Variants in TRERF1 observed in about 807,000 individuals in gnomAD.
The protein encoded by TRERF1 is transcriptional regulating factor 1.
Under a neutral mutation model 122.9 loss-of-function variants are expected in TRERF1, and 27 were observed. The observed-to-expected ratio is 0.22, with a 90% CI of 0.16 to 0.30. The LOEUF (loss-of-function observed/expected upper bound fraction) is 0.30, where lower values mean the gene tolerates loss of function less well. TRERF1 is among the 10% of genes least tolerant of loss of function. TRERF1 has a pLI of 1.00. For missense variants in TRERF1, 1,248 were observed against 1,560.3 expected (o/e 0.80, Z 3.37); for synonymous variants, 636 against 641.7 (o/e 0.99, Z 0.13).
chr6:42,301,859 G>A (rs1293587682), intron 3 of TRERF1, among the ~76,000 whole-genome samples: 2 of 152,200 alleles, frequency 1.3e-5, no homozygotes, highest in Non-Finnish European at 2.9e-5. Flanking sequence ...TTCAGAGAGG[G>A]AGGCTAGAAA....
intron 2 of TRERF1, among the ~76,000 whole-genome samples, chr6:42,371,599 G>A (rs1773775002): frequency 6.6e-6 from 1 of 152,078 alleles, no homozygotes; most frequent in South Asian, 2.1e-4. Flanking sequence ...GGGCTCTCGA[G>A]GTAGCTTTTT....
chr6:42,334,070 C>A (rs951451752), intron 3 of TRERF1, among the ~76,000 whole-genome samples: 6 of 151,970 alleles, frequency 3.9e-5, no homozygotes, highest in African/African-American at 7.3e-5. Context: ...TATACACATG[C>A]ACATACACAT....
intron 2 of TRERF1, among the ~76,000 whole-genome samples, chr6:42,411,634 A>G (rs1409411117): frequency 6.6e-6 from 1 of 152,216 alleles, no homozygotes; most frequent in Non-Finnish European, 1.5e-5. Flanking sequence ...AGACATGACT[A>G]TAAGACCTGA....
At chr6:42,322,141 T>C (rs996251579) in intron 3 of TRERF1, among the ~76,000 whole-genome samples, 5 of 152,034 alleles carry the variant, frequency 3.3e-5, no homozygotes, top group African/African-American at 9.7e-5. Flanking sequence ...AGAAATATGA[T>C]AGTAAGAATC....
chr6:42,280,130 A>G (rs1782039454), intron 4 of TRERF1, among the ~76,000 whole-genome samples: 1 of 152,120 alleles, frequency 6.6e-6, no homozygotes, highest in Non-Finnish European at 1.5e-5. Context: ...ACACCGAGCT[A>G]CATACTGGGC....
chr6:42,330,832 AATTT>A (rs1184987801), intron 3 of TRERF1, among the ~76,000 whole-genome samples: 1 of 152,048 alleles, frequency 6.6e-6, no homozygotes, highest in Admixed American at 6.6e-5. Context: ...GTGCCCAGCT[AATTT>A]ATTTATTTAT....
In TRERF1 at chr6:42,232,990, T is replaced by C; in HGVS notation, c.3067-98A>G. 1 of 1,448,948 alleles carries C rather than the reference T, an allele frequency of 6.9e-7. No homozygotes were observed. The highest frequency in any genetic ancestry group is 9.1e-7 in the Non-Finnish European group (1 of 1,096,174). The allele number at this position is 1,448,948 out of a possible 1,614,324, so 89.8% of individuals were successfully genotyped here. A position where few individuals can be genotyped will look rare whatever the true frequency, so the allele number is the denominator to read the frequency against. The stretch of plus-strand genomic sequence containing the variant: ...TAAACATGGAATACTTGAAACTGTC[T>C]AATGACAGGGCACAAGGGTTTTATA... On this transcript the variant is annotated intron_variant, in intron 16 of 17. Transcript: ENST00000372922. This position sits in a 1 kb window ranked among gnomAD's most constrained non-coding sequence, Gnocchi z 4.5.
At chr6:42,372,733 A>T (rs1367306726) in intron 2 of TRERF1, among the ~76,000 whole-genome samples, 2 of 152,184 alleles carry the variant, frequency 1.3e-5, no homozygotes, top group Non-Finnish European at 2.9e-5. Flanking sequence ...GTCTCAGAGG[A>T]AGTGAGATCT....
At chr6:42,310,772 C>T (rs1788102792) in intron 3 of TRERF1, among the ~76,000 whole-genome samples, 1 of 152,144 alleles carries the variant, frequency 6.6e-6, no homozygotes, top group Non-Finnish European at 1.5e-5. Context: ...CCCCAAGAAG[C>T]CTTCAGAACT....
intron 2 of TRERF1, among the ~76,000 whole-genome samples, chr6:42,421,035 A>G (rs1782682284): frequency 6.6e-6 from 1 of 152,248 alleles, no homozygotes; most frequent in Non-Finnish European, 1.5e-5. Flanking sequence ...AGCTGGGCTC[A>G]GGTTCAATTC....
intron 3 of TRERF1, among the ~76,000 whole-genome samples, chr6:42,347,580 C>T (rs1309442356): frequency 2.0e-5 from 3 of 152,170 alleles, no homozygotes; most frequent in Admixed American, 6.5e-5. Flanking sequence ...CTGGTCATGT[C>T]GGAGACCTCA....
At chr6:42,407,653 T>G (rs977691495) in intron 2 of TRERF1, among the ~76,000 whole-genome samples, 3 of 152,004 alleles carry the variant, frequency 2.0e-5, no homozygotes, top group Non-Finnish European at 4.4e-5. Context: ...GTGGAAGACT[T>G]CCCAGTGCCG....
intron 2 of TRERF1, among the ~76,000 whole-genome samples, chr6:42,430,622 G>C (rs951817106): frequency 6.6e-6 from 1 of 152,008 alleles, no homozygotes; most frequent in African/African-American, 2.4e-5. Flanking sequence ...TTGGCTGGGC[G>C]CGGTGGCTCA....
intron 2 of TRERF1, among the ~76,000 whole-genome samples, chr6:42,406,103 T>C (rs1780143452): frequency 6.6e-6 from 1 of 152,188 alleles, no homozygotes; most frequent in Non-Finnish European, 1.5e-5. Flanking sequence ...GGAGGTAAGT[T>C]AGTCATCCTC....
At chr6:42,387,894 G>T (rs997248010) in intron 2 of TRERF1, among the ~76,000 whole-genome samples, 2 of 151,920 alleles carry the variant, frequency 1.3e-5, no homozygotes, top group Non-Finnish European at 2.9e-5. Context: ...TACAACTTCT[G>T]CCTCCCAGTC....
intron 3 of TRERF1, among the ~76,000 whole-genome samples, chr6:42,336,914 G>C (rs1297350601): frequency 1.3e-5 from 2 of 152,222 alleles, no homozygotes; most frequent in Non-Finnish European, 2.9e-5. Context: ...CTGCGGCGGA[G>C]GATGGCATGA....
intron 3 of TRERF1, among the ~76,000 whole-genome samples, chr6:42,361,206 A>G (rs1251488850): frequency 6.6e-6 from 1 of 152,234 alleles, no homozygotes; most frequent in African/African-American, 2.4e-5. Context: ...AGAAGTTGTC[A>G]GTCTGCAACG....
At chr6:42,375,726 C>A (rs758865753) in intron 2 of TRERF1, among the ~76,000 whole-genome samples, 12 of 152,002 alleles carry the variant, frequency 7.9e-5, no homozygotes, top group Non-Finnish European at 1.5e-4. Flanking sequence ...TTGAAGACTG[C>A]GGCTGTGATT....
chr6:42,362,014 G>A (rs563785368), intron 3 of TRERF1, among the ~76,000 whole-genome samples: 4 of 152,076 alleles, frequency 2.6e-5, no homozygotes, highest in Non-Finnish European at 4.4e-5. Flanking sequence ...TTCCCATCCC[G>A]ACAGCCAGTC....
Sources: gnomAD v4.1 joint callset for allele counts (sites outside exome capture counted in the v4.1 genomes callset) on GRCh38, gnomAD v4.1.1 for gene constraint, Gnocchi (gnomAD v3.1) non-coding constraint, MANE v1.5 for transcripts, NCBI Gene and HGNC (gene_info 2026-07-23, HGNC 2026-07-21) for gene names.